ADGRB3: variants seen among roughly 807,000 people sequenced by gnomAD.
The protein encoded by ADGRB3 is adhesion G protein-coupled receptor B3.
ADGRB3 carries 37 observed loss-of-function variants against 193.4 expected under a neutral mutation model. That is an observed-to-expected ratio of 0.19 (90% CI 0.15 to 0.25). The LOEUF is 0.25. Ranked by LOEUF, ADGRB3 falls within the 10% of genes least tolerant of loss-of-function variation. ADGRB3 has a pLI of 1.00. For missense variants in ADGRB3, 1,637 were observed against 1,852.9 expected (o/e 0.88, Z 2.14); for synonymous variants, 690 against 644.2 (o/e 1.07, Z -1.08).
chr6:69,047,860 TGA>T (rs1771280952), intron 13 of ADGRB3, among the ~76,000 whole-genome samples: 1 of 152,188 alleles, frequency 6.6e-6, no homozygotes, highest in Admixed American at 6.5e-5. Flanking sequence ...AAATACAGTA[TGA>T]GTTTCTAACA....
chr6:69,064,154 A>G (rs886495314), intron 16 of ADGRB3, among the ~76,000 whole-genome samples: 5 of 152,136 alleles, frequency 3.3e-5, no homozygotes, highest in African/African-American at 9.6e-5. Flanking sequence ...TTATAGAAAA[A>G]TGATAATCAC....
chr6:69,143,651 A>G (rs1056817343), intron 17 of ADGRB3, among the ~76,000 whole-genome samples: 1 of 152,082 alleles, frequency 6.6e-6, no homozygotes, highest in Non-Finnish European at 1.5e-5. Flanking sequence ...TTTTTCTGCA[A>G]TGTATATTCT....
intron 20 of ADGRB3, among the ~76,000 whole-genome samples, chr6:69,275,658 A>AT (rs1309040567): frequency 6.6e-6 from 1 of 151,998 alleles, no homozygotes; most frequent in African/African-American, 2.4e-5. Context: ...TTATTGCATC[A>AT]TTTTTTAAAT....
intron 20 of ADGRB3, among the ~76,000 whole-genome samples, chr6:69,259,134 C>T (rs1161438827): frequency 6.6e-6 from 1 of 152,116 alleles, no homozygotes; most frequent in African/African-American, 2.4e-5. Context: ...AGACAGGAAT[C>T]CAGCAAAGCC....
At position 68,720,211 on chromosome 6, in the gene ADGRB3, T is replaced by G. The variant is rs140676565; in HGVS notation, c.757+80779T>G. 9.9e-3 allele frequency among the ~76,000 whole-genome samples: 1,504 copies of G among 151,764 alleles called. 28 individuals carry two copies. Among genetic ancestry groups the G allele is most frequent in the African/African-American group, 0.033 (1,370 of 41,436 alleles). ...TGAAATGGAGTAGTTTTTCTGGAAG[T>G]TGATTTTTCTGGTTCTTCAACTGCT... On this transcript the variant is annotated intron_variant, in intron 3 of 31. Transcript: ENST00000370598.
chr6:69,169,254 ATGT>A (rs1775210549), intron 17 of ADGRB3, among the ~76,000 whole-genome samples: 1 of 152,068 alleles, frequency 6.6e-6, no homozygotes, highest in South Asian at 2.1e-4. Context: ...ACTACTGAAA[ATGT>A]TGTTTATTTT....
chr6:68,644,081 T>C (rs1768147937), intron 3 of ADGRB3, among the ~76,000 whole-genome samples: 2 of 151,826 alleles, frequency 1.3e-5, no homozygotes, highest in Admixed American at 1.3e-4. Context: ...TAGTAAATAT[T>C]GGTTGAAATG....
At chr6:69,367,490 G>C (rs528549021) in intron 29 of ADGRB3, among the ~76,000 whole-genome samples, 5 of 151,886 alleles carry the variant, frequency 3.3e-5, no homozygotes, top group Non-Finnish European at 7.4e-5. Context: ...CAGTGTAAAA[G>C]TGTTCCTATT....
chr6:69,301,931 AAAG>A (rs1202196422), intron 20 of ADGRB3, among the ~76,000 whole-genome samples: 1 of 151,992 alleles, frequency 6.6e-6, no homozygotes, highest in Admixed American at 6.6e-5. Context: ...CTAAAAGCAA[AAAG>A]AAGGTGAAGG....
At chr6:68,847,747 G>A (rs998523034) in intron 3 of ADGRB3, among the ~76,000 whole-genome samples, 2 of 152,088 alleles carry the variant, frequency 1.3e-5, no homozygotes, top group African/African-American at 4.8e-5. Context: ...CACTGTTAAA[G>A]AATAAAGTTA....
At chr6:69,221,817 A>G (rs1561957455) in intron 17 of ADGRB3, among the ~76,000 whole-genome samples, 1 of 152,118 alleles carries the variant, frequency 6.6e-6, no homozygotes, top group Non-Finnish European at 1.5e-5. Context: ...AGATAGGAAG[A>G]TTACATTCTT....
At chr6:69,192,153 A>T (rs1257789527) in intron 17 of ADGRB3, among the ~76,000 whole-genome samples, 1 of 152,168 alleles carries the variant, frequency 6.6e-6, no homozygotes, top group Non-Finnish European at 1.5e-5. Context: ...GTCCCTCAAT[A>T]GGCTGTCTGC....
At chr6:69,228,328 A>G (rs1766062050) in intron 17 of ADGRB3, among the ~76,000 whole-genome samples, 1 of 152,248 alleles carries the variant, frequency 6.6e-6, no homozygotes, top group African/African-American at 2.4e-5. Flanking sequence ...AAACAGTGTC[A>G]GGGATTCAAA....
intron 26 of ADGRB3, among the ~76,000 whole-genome samples, chr6:69,347,335 A>G (rs1225973143): frequency 6.6e-6 from 1 of 152,240 alleles, no homozygotes; most frequent in Non-Finnish European, 1.5e-5. Flanking sequence ...CTGCACAGTT[A>G]TCCCAAAACT....
At chr6:68,927,270 T>G (rs1403672797) in intron 3 of ADGRB3, among the ~76,000 whole-genome samples, 1 of 152,178 alleles carries the variant, frequency 6.6e-6, no homozygotes, top group Non-Finnish European at 1.5e-5. Context: ...GTTCTTTTTC[T>G]CGTGTAACTA....
At chr6:69,105,038 T>G (rs1008756504) in intron 17 of ADGRB3, among the ~76,000 whole-genome samples, 1 of 152,194 alleles carries the variant, frequency 6.6e-6, no homozygotes, top group Non-Finnish European at 1.5e-5. Context: ...GTAAGTGAAG[T>G]GGAAGGTTAC....
At chr6:69,059,188 A>G (rs1771641926) in intron 15 of ADGRB3, among the ~76,000 whole-genome samples, 1 of 152,064 alleles carries the variant, frequency 6.6e-6, no homozygotes, top group South Asian at 2.1e-4. Context: ...CAGAGAATCA[A>G]CCATTTTATC....
At chr6:69,028,731 A>C (rs1363116735) in intron 13 of ADGRB3, among the ~76,000 whole-genome samples, 1 of 152,148 alleles carries the variant, frequency 6.6e-6, no homozygotes. Context: ...GAGTAACCCA[A>C]ATGCTCTAAA....
At chr6:68,996,265 C>A (rs1349503067) in intron 11 of ADGRB3, among the ~76,000 whole-genome samples, 1 of 152,134 alleles carries the variant, frequency 6.6e-6, no homozygotes, top group Admixed American at 6.5e-5. Context: ...CTTTCCACTA[C>A]TGTCATCCAG....
Sources: gnomAD v4.1 joint callset for allele counts (sites outside exome capture counted in the v4.1 genomes callset) on GRCh38, gnomAD v4.1.1 for gene constraint, MANE v1.5 for transcripts, NCBI Gene and HGNC (gene_info 2026-07-23, HGNC 2026-07-21) for gene names.